Variants in NRG4 observed in about 807,000 individuals in gnomAD.
NRG4 encodes the protein pro-neuregulin-4, membrane-bound isoform.
NRG4 carries 10 observed loss-of-function variants against 15.0 expected under a neutral mutation model. The observed-to-expected ratio is 0.67, with a 90% CI of 0.41 to 1.13. The LOEUF is 1.13. Among genes scored for constraint, NRG4 ranks in the 50% most tolerant of loss-of-function variants. The probability of loss-of-function intolerance (pLI) is 0.00; values close to 1 mark genes in which losing one functional copy is unlikely to be tolerated. For synonymous variants in NRG4, 41 were observed against 50.1 expected (o/e 0.82, Z 0.77); for missense variants, 139 against 140.2 (o/e 0.99, Z 0.04).
At chr15:75,959,075 G>C (rs781005159) in intron 4 of NRG4, 1 of 355,256 alleles carries the variant, frequency 2.8e-6, no homozygotes, top group South Asian at 2.1e-5. Flanking sequence ...TCTCATTCCT[G>C]GGCTCAAGCG....
intron 3 of NRG4, among the ~76,000 whole-genome samples, chr15:75,968,211 T>C (rs1037015209): frequency 6.6e-6 from 1 of 152,172 alleles, no homozygotes; most frequent in Non-Finnish European, 1.5e-5. Flanking sequence ...TCTTTCTCCA[T>C]ATTAACAAAA....
intron 3 of NRG4, among the ~76,000 whole-genome samples, chr15:76,004,501 A>T (rs2034525656): frequency 6.6e-6 from 1 of 151,552 alleles, no homozygotes; most frequent in Non-Finnish European, 1.5e-5. Flanking sequence ...CAGGAGGCTG[A>T]GGCAGGAGAA....
chr15:76,009,638 AT>A (rs2034736164), intron 2 of NRG4, among the ~76,000 whole-genome samples: 1 of 152,186 alleles, frequency 6.6e-6, no homozygotes, highest in Non-Finnish European at 1.5e-5. Context: ...ATTTGGCAGT[AT>A]TACCTAGCAT....
Position 75,942,090 on chromosome 15 carries a change from GA to G in NRG4, c.*1547del. On this transcript the variant is annotated 3_prime_UTR_variant, in exon 6 of 6. Coordinates refer to ENST00000394907, the MANE Select transcript of NRG4 (RefSeq NM_138573.4). ...TAGTCTGAAAGGCTACATACTACAT[GA>G]TTTCAAATATATGACATTCTGGAGA... is the stretch of plus-strand genomic sequence containing the variant. 6.6e-6 allele frequency: 1 copy of G among 151,396 alleles called. No individual in the cohort carries two copies. The highest frequency in any genetic ancestry group is 2.1e-4 in the South Asian group (1 of 4,788). 9.4% of individuals were successfully genotyped at this position (151,396 alleles called of 1,614,324 possible).
chr15:75,961,297 T>G (rs1218926037), intron 4 of NRG4, among the ~76,000 whole-genome samples: 3 of 152,160 alleles, frequency 2.0e-5, no homozygotes, highest in African/African-American at 7.2e-5. Flanking sequence ...TTTGTCTCTC[T>G]TGTGAGTTAC....
At chr15:75,990,819 A>T (rs928786691) in intron 3 of NRG4, among the ~76,000 whole-genome samples, 1 of 151,794 alleles carries the variant, frequency 6.6e-6, no homozygotes, top group Non-Finnish European at 1.5e-5. Flanking sequence ...AGTAGCAAGG[A>T]CTACAGGTAT....
intron 4 of NRG4, among the ~76,000 whole-genome samples, chr15:76,040,056 A>G (rs954985703): frequency 1.3e-4 from 20 of 151,726 alleles, no homozygotes; most frequent in Middle Eastern, 3.4e-3. Flanking sequence ...AATAAAAAAA[A>G]AGAGAGAGAG....
chr15:75,959,391 T>TATTTTA (rs2032404691), intron 4 of NRG4, among the ~76,000 whole-genome samples: 1 of 152,180 alleles, frequency 6.6e-6, no homozygotes, highest in East Asian at 1.9e-4. Context: ...GCTCTTTATC[T>TATTTTA]TATGAGCATA....
chr15:76,030,381 C>T (rs2035443664), intron 5 of NRG4, among the ~76,000 whole-genome samples: 1 of 152,150 alleles, frequency 6.6e-6, no homozygotes, highest in South Asian at 2.1e-4. Context: ...GGCATAAAAA[C>T]AGACACATAG....
Position 76,040,014 on chromosome 15 carries a change from C to CA in NRG4, c.-104-4024dup, listed in dbSNP as rs1479830836. Among the ~76,000 whole-genome samples, 23 of 151,662 alleles carry CA rather than the reference C, an allele frequency of 1.5e-4. No individual in the cohort carries two copies. The East Asian group carries it at 2.3e-3, about 15-fold the overall frequency. ...CACTACTGCACCCCAGCCTGGGCAACAAAGTGAGACTCTGTACCTGCCACC... is the reference window on the plus strand; with the variant it reads ...CACTACTGCACCCCAGCCTGGGCAACAAAAGTGAGACTCTGTACCTGCCACC... On this transcript the variant is annotated intron_variant, in intron 4 of 8. Coordinates refer to the NRG4 transcript ENST00000563910.
upstream of NRG4, among the ~76,000 whole-genome samples, chr15:76,015,396 G>A (rs564701536): frequency 2.5e-4 from 38 of 152,344 alleles, no homozygotes; most frequent in Admixed American, 5.2e-4. Flanking sequence ...GGAATGGTGA[G>A]AGAGGGCATC....
In NRG4 at chr15:75,941,844, A is replaced by G. The variant is rs1320270185; in HGVS notation, c.*1794T>C. The G allele has an allele frequency of 6.6e-6, 1 of 151,896 alleles. No homozygotes were observed. Among genetic ancestry groups the G allele is most frequent in the African/African-American group, 2.4e-5 (1 of 41,324 alleles). The allele number at this position is 151,896 out of a possible 1,614,324, so 9.4% of individuals were successfully genotyped here. On this transcript the variant is annotated 3_prime_UTR_variant, in exon 6 of 6. Coordinates refer to ENST00000394907, the MANE Select transcript of NRG4 (RefSeq NM_138573.4). ...GGAGGTGCATAGTGGTGACTGGTAC[A>G]TACAACGAATGTATTTAATGCCTTT...
chr15:75,959,428 G>A (rs374674390), intron 4 of NRG4, among the ~76,000 whole-genome samples: 2 of 151,640 alleles, frequency 1.3e-5, no homozygotes, highest in East Asian at 3.9e-4. Context: ...CCTGACAGCT[G>A]GATATATTAT....
In NRG4 at chr15:75,947,895, C is replaced by T. The variant is rs538615328; in HGVS notation, c.332-4241G>A. On this transcript the variant is annotated intron_variant, in intron 5 of 5. Transcript: ENST00000394907. ...TCATTGTGGTTTTGATCTGCATTTC[C>T]CCAATAATTTGTGATGTTGAGTATC... Among the ~76,000 whole-genome samples the T allele has an allele frequency of 5.9e-5, 9 of 152,190 alleles. No individual in the cohort carries two copies. In the South Asian group the frequency reaches 1.9e-3, roughly 32 times the overall value.
chr15:76,030,683 G>T (rs1484311312), intron 5 of NRG4, among the ~76,000 whole-genome samples: 4 of 152,202 alleles, frequency 2.6e-5, no homozygotes, highest in East Asian at 1.9e-4. Context: ...TCTGGGAAAA[G>T]ATTTTATGAA....
chr15:75,943,632 G>T lies in NRG4; in HGVS notation c.*6C>A, dbSNP rs374122255. 3 of 1,559,284 alleles carry T rather than the reference G, an allele frequency of 1.9e-6. No homozygotes were observed. In the South Asian group the frequency reaches 3.4e-5, roughly 18 times the overall value. ...AAACAATGATTTGGTTCACTTTGAC[G>T]TTTCTTCAGTGTTGTTCATGACCTG... is the stretch of plus-strand genomic sequence containing the variant. On this transcript the variant is annotated 3_prime_UTR_variant, in exon 6 of 6. Transcript: ENST00000394907.
At chr15:76,014,348 T>C (rs1432528785), upstream of NRG4, among the ~76,000 whole-genome samples, 1 of 152,224 alleles carries the variant, frequency 6.6e-6, no homozygotes, top group Admixed American at 6.5e-5. Flanking sequence ...TTTGGTTTAA[T>C]TAGATCCCAT....
At chr15:75,937,084 A>G (rs1166441957), downstream of NRG4, 4 of 152,116 alleles carry the variant, frequency 2.6e-5, no homozygotes, top group African/African-American at 9.7e-5. Context: ...CACTATACTT[A>G]ATAAACATAC....
chr15:75,985,426 A>G (rs889920875), intron 3 of NRG4, among the ~76,000 whole-genome samples: 19 of 152,216 alleles, frequency 1.2e-4, no homozygotes, highest in Admixed American at 1.1e-3. Flanking sequence ...GTTATCTACT[A>G]GGGAAGCTCA....
Sources: allele counts gnomAD v4.1 joint callset (sites outside exome capture counted in the v4.1 genomes callset), GRCh38; gene constraint gnomAD v4.1.1; transcripts MANE v1.5; gene names NCBI Gene and HGNC (gene_info 2026-07-23, HGNC 2026-07-21).